RHBDF2: variants seen among roughly 807,000 people sequenced by gnomAD.
RHBDF2 encodes the protein rhomboid 5 homolog 2.
RHBDF2 carries 38 observed loss-of-function variants against 95.2 expected under a neutral mutation model. The ratio of observed to expected loss-of-function variants is 0.40; its 90% CI spans 0.31 to 0.52. The LOEUF (loss-of-function observed/expected upper bound fraction) is 0.52. RHBDF2 is among the 20% of genes least tolerant of loss of function. RHBDF2 has a pLI of 0.56. For missense variants in RHBDF2, 863 were observed against 1,137.7 expected, an observed-to-expected ratio of 0.76 and a Z score of 3.47; for synonymous variants, 442 against 462.0, an observed-to-expected ratio of 0.96 and a Z score of 0.55.
At chr17:76,499,975 G>A (rs777586898) in intron 1 of RHBDF2, among the ~76,000 whole-genome samples, 25 of 152,168 alleles carry the variant, frequency 1.6e-4, no homozygotes, top group African/African-American at 2.7e-4. Flanking sequence ...TGGGAAAGGC[G>A]GTGTCTCATG....
chr17:76,479,498 C>T (rs1218216439), intron 4 of RHBDF2: 2 of 778,212 alleles, frequency 2.6e-6, no homozygotes, highest in South Asian at 1.5e-5. Flanking sequence ...CACCCCCACA[C>T]TGATCCACCC....
At chr17:76,474,876 G>A (rs1467262597) in intron 10 of RHBDF2, 72 bp from the exon 11 acceptor site, 5 of 1,574,596 alleles carry the variant, frequency 3.2e-6, no homozygotes, top group African/African-American at 1.3e-5. Flanking sequence ...TGGGGCAGCT[G>A]TCCCCAGGAT....
chr17:76,473,928 G>T (rs2073675954), intron 13 of RHBDF2, 26 bp from the exon 14 acceptor site: 1 of 1,613,174 alleles, frequency 6.2e-7, no homozygotes. Flanking sequence ...AGATTGGGCT[G>T]TGGCACACCC....
Position 76,471,205 on chromosome 17 carries a change from C to A in RHBDF2, c.*428G>T. ...AAGAGGAAGGGGCATGGTGGGCACC[C>A]AGCCCTGGGGGCAACTGAGGGCACA... On this transcript the variant is annotated 3_prime_UTR_variant, in exon 19 of 19. Coordinates refer to ENST00000675367, the MANE Select transcript of RHBDF2 (RefSeq NM_001005498.4). 1 of 178,626 alleles carries A rather than the reference C, an allele frequency of 5.6e-6. No individual in the cohort carries two copies. 11.1% of individuals were successfully genotyped at this position (178,626 alleles called of 1,614,324 possible).
At chr17:76,492,262 T>TGGGGG (rs2074320245) in intron 1 of RHBDF2, among the ~76,000 whole-genome samples, 1 of 151,928 alleles carries the variant, frequency 6.6e-6, no homozygotes, top group Admixed American at 6.5e-5. Context: ...GTCCCATGGG[T>TGGGGG]TGAGGCCTCT....
chr17:76,478,736 G>A, intron 6 of RHBDF2, 70 bp downstream of exon 6: 1 of 1,300,324 alleles, frequency 7.7e-7, no homozygotes, highest in South Asian at 1.3e-5. Context: ...GCTACTATGA[G>A]GAGTGGAAGG....
In RHBDF2 at chr17:76,479,290, A is replaced by G. The variant is rs377216553; in HGVS notation, c.273-13T>C. On this transcript the variant is annotated splice_polypyrimidine_tract_variant and intron_variant, in intron 4 of 18. Coordinates refer to ENST00000675367, the MANE Select transcript of RHBDF2 (RefSeq NM_001005498.4). Reference sequence around the variant, plus strand: ...CTGGGCTGCGCCCCTGCGGAAGCAGACAAGGGACAGGTGGGCATACGCTTG... The same window carrying G: ...CTGGGCTGCGCCCCTGCGGAAGCAGGCAAGGGACAGGTGGGCATACGCTTG... The G allele has an allele frequency of 8.3e-5, 132 of 1,586,958 alleles. No individual in the cohort carries two copies. Among genetic ancestry groups the G allele is most frequent in the Admixed American group, 1.2e-4 (7 of 56,972 alleles).
chr17:76,480,705 C>T (rs565057995), intron 3 of RHBDF2, among the ~76,000 whole-genome samples: 14 of 152,304 alleles, frequency 9.2e-5, no homozygotes, highest in Admixed American at 7.8e-4. Context: ...AATTTAAAAT[C>T]GCCATTGTCT....
Position 76,475,026 on chromosome 17 carries a change from T to C in RHBDF2, c.1227+4A>G. 6.3e-7 allele frequency: 1 copy of C among 1,576,204 alleles called. No individual in the cohort carries two copies. Among genetic ancestry groups the C allele is most frequent in the South Asian group, 1.2e-5 (1 of 86,554 alleles). On this transcript the variant is annotated splice_donor_region_variant and intron_variant, in intron 10 of 18. Coordinates refer to ENST00000675367, the MANE Select transcript of RHBDF2 (RefSeq NM_001005498.4). ...CCCCCAGCATGGAGCCTGACCCGAC[T>C]CACCAGCTGGGTGGTGACGTGCTGG... is the stretch of plus-strand genomic sequence containing the variant.
chr17:76,475,515 A>C (rs535231065), intron 9 of RHBDF2, among the ~76,000 whole-genome samples: 1 of 151,626 alleles, frequency 6.6e-6, no homozygotes, highest in East Asian at 1.9e-4. Context: ...CCTCCCCACC[A>C]GCTGTTCACT....
At position 76,478,775 on chromosome 17, in the gene RHBDF2, G is replaced by A. The variant is rs1263247952; in HGVS notation, c.672+31C>T. The stretch of plus-strand genomic sequence containing the variant: ...GGGCAAGGAAGGGAGGCCGGGCAGA[G>A]GTGGGGGCCCTGCAGGAGGGAGCCC... On this transcript the variant is annotated intron_variant, in intron 6 of 18. Transcript: ENST00000675367. The A allele has an allele frequency of 3.2e-6, 5 of 1,584,152 alleles. No homozygotes were observed. In the South Asian group the frequency reaches 4.5e-5, roughly 14 times the overall value.
At chr17:76,473,403 C>A (rs1205213177) in intron 15 of RHBDF2, 76 bp from the exon 16 acceptor site, 8 of 1,358,940 alleles carry the variant, frequency 5.9e-6, no homozygotes, top group Admixed American at 1.9e-5. Context: ...GAGCCCAGCA[C>A]CTGGCTACAG....
At chr17:76,483,191 G>C (rs2074022099) in intron 2 of RHBDF2, among the ~76,000 whole-genome samples, 1 of 152,158 alleles carries the variant, frequency 6.6e-6, no homozygotes, top group South Asian at 2.1e-4. Flanking sequence ...CCGGGGTTAT[G>C]GGCGTGAGCC....
In RHBDF2 at chr17:76,479,736, C is replaced by A. The variant is rs368409953; in HGVS notation, c.269G>T (p.Arg90Leu). 5.0e-6 allele frequency: 8 copies of A among 1,606,900 alleles called. No homozygotes were observed. In the African/African-American group the frequency reaches 8.0e-5, roughly 16 times the overall value. ...RRQASLSQSI[R>L]KGAAQWFGVS... Reference sequence around the variant, plus strand: ...GCTTGGGTGTAGGGGGGCTCACTTGCGGATGCTCTGGGACAGTGAGGCCTG... The same window carrying A: ...GCTTGGGTGTAGGGGGGCTCACTTGAGGATGCTCTGGGACAGTGAGGCCTG... Residue 90 changes from arginine (R) to leucine (L), a missense_variant, in exon 4 of 19, where the codon CGC becomes CTC. Around this residue, in one of 2 missense-constraint regions of RHBDF2, gnomAD observed 611 missense variants for 725.5 expected, o/e 0.84. Coordinates refer to ENST00000675367, the MANE Select transcript of RHBDF2 (RefSeq NM_001005498.4).
intron 3 of RHBDF2, 152 bp from the exon 4 acceptor site, chr17:76,480,006 A>T: frequency 1.7e-6 from 1 of 598,236 alleles, no homozygotes; most frequent in Non-Finnish European, 2.5e-6. Flanking sequence ...ATATATATAT[A>T]ATGTGTGTGT....
intron 1 of RHBDF2, among the ~76,000 whole-genome samples, chr17:76,489,855 A>G (rs975251354): frequency 6.6e-6 from 1 of 152,232 alleles, no homozygotes; most frequent in Admixed American, 6.5e-5. Flanking sequence ...CCAAGCTCAC[A>G]TAGCCAGGAA....
chr17:76,476,600 C>T, intron 9 of RHBDF2: 2 of 566,704 alleles, frequency 3.5e-6, no homozygotes, highest in Non-Finnish European at 6.0e-6. Context: ...GGCTGGGGAC[C>T]AGGCTCAGAA....
chr17:76,493,695 C>A (rs2074364167), intron 1 of RHBDF2, among the ~76,000 whole-genome samples: 1 of 152,198 alleles, frequency 6.6e-6, no homozygotes, highest in South Asian at 2.1e-4. Flanking sequence ...AGCACCACCT[C>A]CCCAGAGGCC....
intron 6 of RHBDF2, 64 bp downstream of exon 6, chr17:76,478,742 G>A: frequency 7.2e-7 from 1 of 1,388,968 alleles, no homozygotes; most frequent in Non-Finnish European, 1.0e-6. Flanking sequence ...ATGAGGAGTG[G>A]AAGGGAGGGG....
Sources: gnomAD v4.1 joint callset for allele counts (sites outside exome capture counted in the v4.1 genomes callset) on GRCh38, gnomAD v4.1.1 for gene constraint, gnomAD v4.1.1 regional missense constraint, MANE v1.5 for transcripts, NCBI Gene and HGNC (gene_info 2026-07-23, HGNC 2026-07-21) for gene names.